Variants in PTK2B observed in about 807,000 individuals in gnomAD.
PTK2B encodes the protein protein tyrosine kinase 2 beta.
A neutral mutation model predicts 142.9 loss-of-function variants in PTK2B; 71 were observed. The ratio of observed to expected loss-of-function variants is 0.50; its 90% CI spans 0.41 to 0.61. The LOEUF is 0.61. PTK2B is among the 20% of genes least tolerant of loss of function. The pLI, the probability that PTK2B is intolerant of heterozygous loss-of-function variation, is 0.00. For synonymous variants in PTK2B, 519 were observed against 503.4 expected (o/e 1.03, Z -0.42); for missense variants, 1,105 against 1,320.4 (o/e 0.84, Z 2.53).
chr8:27,326,414 A>G (rs964909254), intron 1 of PTK2B, among the ~76,000 whole-genome samples: 1 of 152,178 alleles, frequency 6.6e-6, no homozygotes, highest in African/African-American at 2.4e-5. Context: ...ATGTTCTGCA[A>G]GCCCTGCCAC....
chr8:27,323,200 G>T (rs1165694067), upstream of PTK2B: 3 of 152,302 alleles, frequency 2.0e-5, no homozygotes, highest in African/African-American at 2.4e-5. Context: ...ATTGGAGATT[G>T]CATGGCTGCA....
upstream of PTK2B, among the ~76,000 whole-genome samples, chr8:27,320,979 G>GTTTTTTTTTTTTTT (rs1257774872): frequency 9.2e-5 from 3 of 32,656 alleles, no homozygotes; most frequent in African/African-American, 2.0e-4. Flanking sequence ...CATACAAAAG[G>GTTTTTTTTTTTTTT]CTTTTTTTTT....
intron 1 of PTK2B, among the ~76,000 whole-genome samples, chr8:27,335,294 T>C (rs887332756): frequency 6.6e-6 from 1 of 152,114 alleles, no homozygotes; most frequent in African/African-American, 2.4e-5. Context: ...TGACCCTGTA[T>C]AGAAAAATGC....
rs1420633423 is a variant in PTK2B, at chr8:27,363,078, C to T, written c.-37-34470C>T. ...TCATGGTGGAAAATGACTAAAAACT[C>T]AGGATATCCCACTGGCCCTGGGCAA... On this transcript the variant is annotated intron_variant, in intron 1 of 30. Coordinates refer to ENST00000346049, the MANE Select transcript of PTK2B (RefSeq NM_173176.3). This position sits in a 1 kb window ranked among gnomAD's most constrained non-coding sequence, Gnocchi z 4.3. Among the ~76,000 whole-genome samples the T allele has an allele frequency of 6.6e-6, 1 of 152,172 alleles. No individual in the cohort carries two copies. The highest frequency in any genetic ancestry group is 1.5e-5 in the Non-Finnish European group (1 of 68,036).
At chr8:27,371,473 T>C (rs574525091) in intron 1 of PTK2B, among the ~76,000 whole-genome samples, 1 of 152,054 alleles carries the variant, frequency 6.6e-6, no homozygotes, top group Non-Finnish European at 1.5e-5. Context: ...CTTGGGCTGG[T>C]TATTTATTGT....
intron 15 of PTK2B, among the ~76,000 whole-genome samples, chr8:27,436,692 G>A (rs1810799978): frequency 1.3e-5 from 2 of 152,194 alleles, no homozygotes; most frequent in South Asian, 4.1e-4. Context: ...CAAGGCCAGT[G>A]ATGGGGCAGG....
chr8:27,385,476 G>T (rs1373093244), intron 1 of PTK2B, among the ~76,000 whole-genome samples: 1 of 152,198 alleles, frequency 6.6e-6, no homozygotes, highest in East Asian at 1.9e-4. Flanking sequence ...TTTAACCCAA[G>T]CCTGATTTTG....
chr8:27,314,851 G>A (rs1260840313), intron 3 of PTK2B, among the ~76,000 whole-genome samples: 1 of 152,222 alleles, frequency 6.6e-6, no homozygotes, highest in Admixed American at 6.5e-5. Flanking sequence ...TGAGGTGGGA[G>A]AATCGCTTGA....
upstream of PTK2B, chr8:27,322,566 A>G (rs1044408904): frequency 6.6e-6 from 1 of 152,266 alleles, no homozygotes; most frequent in Non-Finnish European, 1.5e-5. Flanking sequence ...TTATAGCTAT[A>G]GAATTTTTCA....
intron 1 of PTK2B, among the ~76,000 whole-genome samples, chr8:27,352,862 T>C (rs1331663924): frequency 6.6e-6 from 1 of 152,226 alleles, no homozygotes; most frequent in South Asian, 2.1e-4. Context: ...TAAACCCCTT[T>C]CTTTTGTAAA....
At chr8:27,453,812 A>G (rs1586365387) in intron 28 of PTK2B, among the ~76,000 whole-genome samples, 1 of 152,300 alleles carries the variant, frequency 6.6e-6, no homozygotes, top group Non-Finnish European at 1.5e-5. Context: ...AGGTCAAGGC[A>G]TTAGTGAGCT....
chr8:27,354,811 A>G (rs1449259756), intron 1 of PTK2B, among the ~76,000 whole-genome samples: 1 of 151,920 alleles, frequency 6.6e-6, no homozygotes, highest in South Asian at 2.1e-4. Flanking sequence ...TCACCAACCA[A>G]TTTGTGTGTT....
chr8:27,402,961 G>T (rs1808468869), intron 2 of PTK2B, among the ~76,000 whole-genome samples: 1 of 152,172 alleles, frequency 6.6e-6, no homozygotes, highest in South Asian at 2.1e-4. Context: ...GCAAGACTGG[G>T]TTTACATGCA....
intron 1 of PTK2B, among the ~76,000 whole-genome samples, chr8:27,341,347 G>A (rs1195154426): frequency 3.9e-5 from 6 of 152,184 alleles, no homozygotes; most frequent in Admixed American, 1.3e-4. Context: ...CTCACACTCC[G>A]GAAACATTTG....
At chr8:27,388,565 C>T (rs950817612) in intron 1 of PTK2B, among the ~76,000 whole-genome samples, 8 of 152,170 alleles carry the variant, frequency 5.3e-5, no homozygotes, top group African/African-American at 1.9e-4. Context: ...GGCCAGGGAC[C>T]CTGAGATCTG....
At position 27,333,348 on chromosome 8, in the gene PTK2B, A is replaced by G. The variant is rs992499171; in HGVS notation, c.-38+7667A>G. Among the ~76,000 whole-genome samples the G allele has an allele frequency of 2.6e-5, 4 of 152,232 alleles. No homozygotes were observed. In the South Asian group the frequency reaches 6.2e-4, roughly 24 times the overall value. On this transcript the variant is annotated intron_variant, in intron 1 of 30. Transcript: ENST00000346049. The stretch of plus-strand genomic sequence containing the variant: ...AGCCATGGGGCTTTATTCTGAAGGC[A>G]GTAGGAGCTGTTGACCATGCTGACT...
intron 24 of PTK2B, among the ~76,000 whole-genome samples, chr8:27,449,544 G>A (rs571380059): frequency 2.6e-5 from 4 of 152,322 alleles, no homozygotes; most frequent in Admixed American, 2.6e-4. Flanking sequence ...TATGCAAATG[G>A]CCACTTCAAA....
At chr8:27,352,714 T>C (rs1352452438) in intron 1 of PTK2B, among the ~76,000 whole-genome samples, 2 of 152,210 alleles carry the variant, frequency 1.3e-5, no homozygotes, top group East Asian at 1.9e-4. Flanking sequence ...TTGTGAGATC[T>C]GATGGTTTTG....
intron 1 of PTK2B, among the ~76,000 whole-genome samples, chr8:27,350,225 A>G (rs1804962651): frequency 6.6e-6 from 1 of 152,262 alleles, no homozygotes; most frequent in Non-Finnish European, 1.5e-5. Flanking sequence ...TGGAGGATAC[A>G]TTAAGCAAGA....
Sources: allele counts gnomAD v4.1 joint callset (sites outside exome capture counted in the v4.1 genomes callset), GRCh38; gene constraint gnomAD v4.1.1; non-coding constraint Gnocchi (gnomAD v3.1); transcripts MANE v1.5; gene names NCBI Gene and HGNC (gene_info 2026-07-23, HGNC 2026-07-21).